KLF7: variants seen among roughly 807,000 people sequenced by gnomAD.
KLF7 encodes Krueppel-like factor 7.
KLF7 carries 2 observed loss-of-function variants against 27.3 expected under a neutral mutation model. That is an observed-to-expected ratio of 0.07 (90% CI 0.03 to 0.23). The LOEUF (loss-of-function observed/expected upper bound fraction) is 0.23. KLF7 is among the 10% of genes least tolerant of loss of function. The pLI, the probability that KLF7 is intolerant of heterozygous loss-of-function variation, is 1.00. For missense variants in KLF7, 221 were observed against 394.1 expected (o/e 0.56, Z 3.72); for synonymous variants, 165 against 162.4 (o/e 1.02, Z -0.12).
At chr2:207,117,539 G>A (rs544784595) in intron 2 of KLF7, among the ~76,000 whole-genome samples, 1 of 152,258 alleles carries the variant, frequency 6.6e-6, no homozygotes, top group East Asian at 1.9e-4. Context: ...TTCATTAGCA[G>A]CCATGTGTCT....
In KLF7 at chr2:207,078,285, T is replaced by C. The variant is rs949588099; in HGVS notation, c.*2928A>G. The C allele has an allele frequency of 4.6e-5, 7 of 152,192 alleles. No individual in the cohort carries two copies. The highest frequency in any genetic ancestry group is 1.7e-4 in the African/African-American group (7 of 41,442). 9.4% of individuals were successfully genotyped at this position (152,192 alleles called of 1,614,324 possible). A position where few individuals can be genotyped will look rare whatever the true frequency, so the allele number is the denominator to read the frequency against. On this transcript the variant is annotated 3_prime_UTR_variant, in exon 4 of 4. Coordinates refer to ENST00000309446, the MANE Select transcript of KLF7 (RefSeq NM_003709.4). ...AGCAAGCACCACCATTGAGTTTCAA[T>C]GCACCCTGCTCCAAGAAAGGTCAGG...
At chr2:207,152,776 T>A (rs982884608) in intron 1 of KLF7, among the ~76,000 whole-genome samples, 17 of 152,220 alleles carry the variant, frequency 1.1e-4, no homozygotes, top group Admixed American at 9.8e-4. Context: ...GATTGATAAA[T>A]AAAGCTTGTC....
rs1466586117 is a variant in KLF7 at position 207,117,300 on chromosome 2, T to C, written c.733+6474A>G. Among the ~76,000 whole-genome samples, 7 of 152,226 alleles carry C rather than the reference T, an allele frequency of 4.6e-5. No homozygotes were observed. In the East Asian group the frequency reaches 1.3e-3, roughly 29 times the overall value. On this transcript the variant is annotated intron_variant, in intron 2 of 3. Transcript: ENST00000309446. The stretch of plus-strand genomic sequence containing the variant: ...ATTGCTAAATTACCATGTGGTAAAG[T>C]TTTAAGATTTTACTGAATCAGAAAA...
At chr2:207,105,430 C>T (rs2076859042) in intron 2 of KLF7, among the ~76,000 whole-genome samples, 1 of 152,172 alleles carries the variant, frequency 6.6e-6, no homozygotes. Context: ...GGGAGGGGAA[C>T]ATGGAAGCCC....
At chr2:207,106,430 T>G (rs919535450) in intron 2 of KLF7, among the ~76,000 whole-genome samples, 4 of 152,180 alleles carry the variant, frequency 2.6e-5, no homozygotes, top group Admixed American at 6.5e-5. Flanking sequence ...GTAAAACATA[T>G]TTAGAAAGCA....
At chr2:207,105,252 C>T (rs922496262) in intron 2 of KLF7, among the ~76,000 whole-genome samples, 40 of 152,194 alleles carry the variant, frequency 2.6e-4, no homozygotes, top group Non-Finnish European at 2.2e-4. Flanking sequence ...TTCTACCTGC[C>T]GCCCCTTTCT....
chr2:207,102,740 G>A (rs1049281955), intron 2 of KLF7, among the ~76,000 whole-genome samples: 3 of 152,074 alleles, frequency 2.0e-5, no homozygotes, highest in African/African-American at 7.2e-5. Context: ...AGCAGCAACC[G>A]CCAGTTGTCC....
At chr2:207,099,573 T>TATATATATATATATATATATATATATA (rs2076714109) in intron 2 of KLF7, among the ~76,000 whole-genome samples, 8 of 130,618 alleles carry the variant, frequency 6.1e-5, no homozygotes, top group Non-Finnish European at 1.1e-4. Context: ...TATATATATA[T>TATATATATATATATATATATATATATA]GAAAAGAGAT....
chr2:207,166,187 G>T (rs568998259), upstream of KLF7: 27 of 986,022 alleles, frequency 2.7e-5, no homozygotes, highest in East Asian at 2.6e-3. Context: ...GGCCGCGTGT[G>T]ACCATGTAAG....
At chr2:207,126,240 T>C (rs920764683) in intron 1 of KLF7, among the ~76,000 whole-genome samples, 17 of 152,212 alleles carry the variant, frequency 1.1e-4, no homozygotes, top group African/African-American at 3.6e-4. Flanking sequence ...CTCTCCAATA[T>C]TGAAGCCCTC....
chr2:207,165,035 T>C (rs985637535), intron 1 of KLF7, among the ~76,000 whole-genome samples: 2 of 125,228 alleles, frequency 1.6e-5, no homozygotes, highest in African/African-American at 6.1e-5. Context: ...TAAGCACCAG[T>C]TGAAACAGAT....
chr2:207,125,555 T>A (rs1438868705), intron 1 of KLF7, among the ~76,000 whole-genome samples: 1 of 152,252 alleles, frequency 6.6e-6, no homozygotes, highest in Non-Finnish European at 1.5e-5. Context: ...CTGTTAAGAA[T>A]ATATTTTAAT....
At chr2:207,128,875 T>G (rs758388611) in intron 1 of KLF7, among the ~76,000 whole-genome samples, 2 of 152,184 alleles carry the variant, frequency 1.3e-5, no homozygotes, top group Non-Finnish European at 2.9e-5. Flanking sequence ...TAAGGAGATA[T>G]GGCAACTAAA....
At chr2:207,099,332 A>G (rs1368622488) in intron 2 of KLF7, among the ~76,000 whole-genome samples, 1 of 151,932 alleles carries the variant, frequency 6.6e-6, no homozygotes, top group Non-Finnish European at 1.5e-5. Context: ...ATGCAGAGAC[A>G]TGGAGGGCCA....
At chr2:207,085,089 G>C (rs1055415114) in intron 3 of KLF7, among the ~76,000 whole-genome samples, 2 of 148,670 alleles carry the variant, frequency 1.3e-5, no homozygotes, top group Non-Finnish European at 3.0e-5. Context: ...CTGAACCCCG[G>C]AGGCAGAGGT....
At chr2:207,136,791 C>T (rs1183401786) in intron 1 of KLF7, among the ~76,000 whole-genome samples, 1 of 152,136 alleles carries the variant, frequency 6.6e-6, no homozygotes, top group Non-Finnish European at 1.5e-5. Context: ...TCCCGGAATT[C>T]CAGGGAACAC....
intron 1 of KLF7, among the ~76,000 whole-genome samples, chr2:207,161,675 G>A (rs950682795): frequency 2.6e-5 from 4 of 152,174 alleles, no homozygotes; most frequent in Middle Eastern, 3.2e-3. Flanking sequence ...ATTTCTGTAC[G>A]TTTTCCCCTA....
At chr2:207,161,573 A>G (rs1020849898) in intron 1 of KLF7, among the ~76,000 whole-genome samples, 1 of 152,216 alleles carries the variant, frequency 6.6e-6, no homozygotes, top group Non-Finnish European at 1.5e-5. Context: ...AAGGAAGTGC[A>G]AAGGCAAGAT....
chr2:207,155,616 AAAGC>A (rs1373382757), intron 1 of KLF7, among the ~76,000 whole-genome samples: 1 of 152,204 alleles, frequency 6.6e-6, no homozygotes, highest in Non-Finnish European at 1.5e-5. Flanking sequence ...GTATTAAAGA[AAAGC>A]AAGAACCTTG....
Sources: gnomAD v4.1 joint callset for allele counts (sites outside exome capture counted in the v4.1 genomes callset) on GRCh38, gnomAD v4.1.1 for gene constraint, MANE v1.5 for transcripts, NCBI Gene and HGNC (gene_info 2026-07-23, HGNC 2026-07-21) for gene names.